The following MYZAP variants were observed in gnomAD, a reference collection of about 807,000 sequenced individuals.
MYZAP encodes the protein GRINL1A complex locus upstream.
A neutral mutation model predicts 69.4 loss-of-function variants in MYZAP; 66 were observed. The ratio of observed to expected loss-of-function variants is 0.95; its 90% confidence interval spans 0.78 to 1.17. The LOEUF (loss-of-function observed/expected upper bound fraction) is 1.17, where lower values mean the gene tolerates loss of function less well. Ranked by LOEUF, MYZAP falls within the 50% of genes most tolerant of loss-of-function variation. The pLI is 0.00. For missense variants in MYZAP, 611 were observed against 556.2 expected (o/e 1.10, Z -0.99); for synonymous variants, 256 against 205.9 (o/e 1.24, Z -2.09).
At chr15:57,611,477 G>A (rs1475140727) in intron 2 of MYZAP, among the ~76,000 whole-genome samples, 2 of 151,966 alleles carry the variant, frequency 1.3e-5, no homozygotes. Context: ...GGGGTTATTA[G>A]GCCTAAGCAA....
At chr15:57,684,195 G>T (rs2039579574) in intron 12 of MYZAP, among the ~76,000 whole-genome samples, 1 of 152,158 alleles carries the variant, frequency 6.6e-6, no homozygotes, top group African/African-American at 2.4e-5. Context: ...TCACCTTAGG[G>T]GTTAGGATTT....
intron 8 of MYZAP, among the ~76,000 whole-genome samples, chr15:57,635,307 G>T (rs2470355): frequency 0.53 from 80,547 of 152,048 alleles, 21,831 homozygotes; most frequent in African/African-American, 0.63. Flanking sequence ...TATAGTAAGG[G>T]TTCGATCATT....
At chr15:57,667,622 A>G (rs2038645932) in intron 11 of MYZAP, among the ~76,000 whole-genome samples, 1 of 152,174 alleles carries the variant, frequency 6.6e-6, no homozygotes, top group Non-Finnish European at 1.5e-5. Flanking sequence ...AAATCGGTTA[A>G]TTTAATTTTT....
intron 2 of MYZAP, 64 bp from the exon 3 acceptor site, chr15:57,617,969 A>T (rs1409891039): frequency 1.5e-5 from 23 of 1,554,122 alleles, no homozygotes; most frequent in Non-Finnish European, 6.1e-6. Flanking sequence ...TGGGCCCGTT[A>T]TTACAACTGT....
intron 10 of MYZAP, chr15:57,648,510 T>C (rs1433463650): frequency 2.0e-6 from 2 of 982,688 alleles, no homozygotes; most frequent in African/African-American, 3.5e-5. Flanking sequence ...GTCAATCATC[T>C]CTGGAAGGTA....
intron 11 of MYZAP, among the ~76,000 whole-genome samples, chr15:57,667,927 C>A (rs2038665036): frequency 6.6e-6 from 1 of 152,148 alleles, no homozygotes; most frequent in Non-Finnish European, 1.5e-5. Flanking sequence ...TCCATTCATC[C>A]CTAGGCAATT....
Position 57,633,609 on chromosome 15 carries a change from G to A in MYZAP, c.805-4G>A. On this transcript the variant is annotated splice_region_variant and splice_polypyrimidine_tract_variant and intron_variant, in intron 7 of 12. Transcript: ENST00000267853. ...GTACTTAGGAGGGTATATTTCTTTTGCAGGAAGAAACCAATAGTTTTCTGA... is the reference window on the plus strand; with the variant it reads ...GTACTTAGGAGGGTATATTTCTTTTACAGGAAGAAACCAATAGTTTTCTGA... 1 of 1,611,014 alleles carries A rather than the reference G, an allele frequency of 6.2e-7. No homozygotes were observed. The highest frequency in any genetic ancestry group is 8.5e-7 in the Non-Finnish European group (1 of 1,178,608).
At chr15:57,652,411 T>G (rs1417265631) in intron 10 of MYZAP, among the ~76,000 whole-genome samples, 1 of 152,222 alleles carries the variant, frequency 6.6e-6, no homozygotes, top group Non-Finnish European at 1.5e-5. Context: ...TTTTTTCTTT[T>G]TATTCTTACA....
At chr15:57,605,989 G>A in intron 2 of MYZAP, among the ~76,000 whole-genome samples, 1 of 152,082 alleles carries the variant, frequency 6.6e-6, no homozygotes, top group East Asian at 1.9e-4. Context: ...AGAGGCACGA[G>A]ATCAGAGGAT....
chr15:57,661,603 C>A, intron 11 of MYZAP, 70 bp downstream of exon 11: 1 of 1,308,852 alleles, frequency 7.6e-7, no homozygotes, highest in Non-Finnish European at 1.1e-6. Flanking sequence ...AGCCTACCAC[C>A]GACACTTAAT....
chr15:57,644,495 G>A (rs1047251442), intron 10 of MYZAP, among the ~76,000 whole-genome samples: 1 of 152,084 alleles, frequency 6.6e-6, no homozygotes, highest in African/African-American at 2.4e-5. Flanking sequence ...GCTCAGGCTG[G>A]AGTGCAGTGG....
At chr15:57,673,123 G>A (rs1439388673) in intron 11 of MYZAP, among the ~76,000 whole-genome samples, 1 of 151,992 alleles carries the variant, frequency 6.6e-6, no homozygotes. Context: ...CTGTTTCTAT[G>A]GGTGTCTGTT....
At chr15:57,595,619 C>T (rs1393402981) in intron 1 of MYZAP, among the ~76,000 whole-genome samples, 1 of 151,600 alleles carries the variant, frequency 6.6e-6, no homozygotes, top group Admixed American at 6.6e-5. Context: ...ATACTTACTG[C>T]CGAGTATTTT....
In MYZAP at chr15:57,618,139, AT is replaced by A. The variant is rs750678507; in HGVS notation, c.270del (p.Tyr90Ter). Reference sequence around the variant, plus strand: ...AATCAGCAGAAAGAAATGGTGGTGTATGGGTGGTCCACCAGTCAGCTGAAAG... The same window carrying A: ...AATCAGCAGAAAGAAATGGTGGTGTAGGGTGGTCCACCAGTCAGCTGAAAG... ...DQNQQKEMVV[Y>X]GWSTSQLKEE... On this transcript the variant is annotated frameshift_variant, in exon 3 of 13. Coordinates refer to ENST00000267853, the MANE Select transcript of MYZAP (RefSeq NM_001018100.5). LOFTEE classifies it high-confidence loss of function. 1.9e-6 allele frequency: 3 copies of A among 1,614,062 alleles called. No individual in the cohort carries two copies. The African/African-American group carries it at 4.0e-5, about 22-fold the overall frequency.
Position 57,661,396 on chromosome 15 carries a change from T to C in MYZAP, c.1120-54T>C, listed in dbSNP as rs1248914451. On this transcript the variant is annotated intron_variant, in intron 10 of 12. Coordinates refer to ENST00000267853, the MANE Select transcript of MYZAP (RefSeq NM_001018100.5). ...GCATCTATTCCAGTTGATAAACCTGTACTTACACAATTGTACATTTTTGAT... is the reference window on the plus strand; with the variant it reads ...GCATCTATTCCAGTTGATAAACCTGCACTTACACAATTGTACATTTTTGAT... 2.3e-6 allele frequency: 3 copies of C among 1,328,822 alleles called. No individual in the cohort carries two copies. In the African/African-American group the frequency reaches 4.4e-5, roughly 19 times the overall value. The allele number at this position is 1,328,822 out of a possible 1,614,324, so 82.3% of individuals were successfully genotyped here.
chr15:57,677,290 T>C lies in MYZAP; in HGVS notation c.1304+2222T>C, dbSNP rs887222782. 2.0e-5 allele frequency among the ~76,000 whole-genome samples: 3 copies of C among 152,204 alleles called. No individual in the cohort carries two copies. The East Asian group carries it at 5.8e-4, about 29-fold the overall frequency. ...TTTTAGTTTGTTTTGTCTGTTGGAT[T>C]CCAAGTAAGATTCTGTTTGAATAAA... is the stretch of plus-strand genomic sequence containing the variant. On this transcript the variant is annotated intron_variant, in intron 12 of 12. Transcript: ENST00000267853.
chr15:57,618,556 A>T (rs1267391937), intron 3 of MYZAP, among the ~76,000 whole-genome samples: 1 of 152,212 alleles, frequency 6.6e-6, no homozygotes, highest in Admixed American at 6.5e-5. Context: ...ATTCAGATCA[A>T]TCAGTTGGGT....
intron 1 of MYZAP, among the ~76,000 whole-genome samples, chr15:57,597,426 C>G (rs2034132936): frequency 6.6e-6 from 1 of 152,222 alleles, no homozygotes; most frequent in South Asian, 2.1e-4. Flanking sequence ...TTAAGCATTA[C>G]TCCCTTCTAT....
intron 1 of MYZAP, chr15:57,599,616 C>G (rs1226024267): frequency 7.8e-7 from 1 of 1,289,130 alleles, no homozygotes; most frequent in East Asian, 5.5e-5. Flanking sequence ...ACCTGCCTTT[C>G]AGGCACTGCC....
Sources: allele counts gnomAD v4.1 joint callset (sites outside exome capture counted in the v4.1 genomes callset), GRCh38; gene constraint gnomAD v4.1.1; transcripts MANE v1.5; gene names NCBI Gene and HGNC (gene_info 2026-07-23, HGNC 2026-07-21).